Variants in SGK1 observed in about 807,000 individuals in gnomAD.
SGK1 encodes the protein serum/glucocorticoid regulated kinase 1.
SGK1 carries 26 observed loss-of-function variants against 64.2 expected under a neutral mutation model. That is an observed-to-expected ratio of 0.40 (90% CI 0.30 to 0.56). SGK1 has a LOEUF of 0.56. SGK1 is among the 20% of genes least tolerant of loss of function. SGK1 has a pLI of 0.38. For synonymous variants in SGK1, 265 were observed against 239.7 expected (o/e 1.11, Z -0.98); for missense variants, 519 against 645.6 (o/e 0.80, Z 2.12).
At chr6:134,213,276 C>G (rs967963768) in intron 2 of SGK1, among the ~76,000 whole-genome samples, 1 of 152,086 alleles carries the variant, frequency 6.6e-6, no homozygotes. Context: ...AATCCCAGCA[C>G]TTTGGGAGGT....
intron 2 of SGK1, among the ~76,000 whole-genome samples, chr6:134,248,484 C>T (rs1043401843): frequency 1.4e-5 from 2 of 144,802 alleles, no homozygotes; most frequent in East Asian, 4.0e-4. Context: ...TGGAGAGTCC[C>T]TCTGTCGCCC....
chr6:134,223,120 G>A (rs1044026550), intron 2 of SGK1, among the ~76,000 whole-genome samples: 2 of 152,178 alleles, frequency 1.3e-5, no homozygotes, highest in African/African-American at 4.8e-5. Context: ...TGTAATCCCA[G>A]CACTTTGGGA....
chr6:134,172,505 C>CAGCTGA, intron 9 of SGK1, 157 bp downstream of exon 9: 1 of 785,902 alleles, frequency 1.3e-6, no homozygotes, highest in Non-Finnish European at 2.0e-6. Flanking sequence ...GCTGGTTCCC[C>CAGCTGA]CTTGGCACTT....
At chr6:134,241,432 T>C (rs955528259) in intron 2 of SGK1, among the ~76,000 whole-genome samples, 1 of 151,852 alleles carries the variant, frequency 6.6e-6, no homozygotes, top group Non-Finnish European at 1.5e-5. Context: ...CAGGTGATCC[T>C]GCCACCTCGG....
chr6:134,175,000 C>A (rs994678067), intron 3 of SGK1: 1 of 1,157,552 alleles, frequency 8.6e-7, no homozygotes, highest in South Asian at 1.7e-5. Context: ...CTGGCGGCTA[C>A]GCTGCCTGCG....
chr6:134,259,288 A>T (rs1776728000), intron 2 of SGK1, among the ~76,000 whole-genome samples: 1 of 152,150 alleles, frequency 6.6e-6, no homozygotes, highest in Non-Finnish European at 1.5e-5. Flanking sequence ...TCTGTATAGG[A>T]TATGTAGAAC....
intron 3 of SGK1, among the ~76,000 whole-genome samples, chr6:134,196,216 C>T (rs888368016): frequency 1.3e-4 from 20 of 152,146 alleles, no homozygotes; most frequent in Non-Finnish European, 2.6e-4. Context: ...GAGGGTGAGG[C>T]GGGAGGATCA....
Position 134,207,395 on chromosome 6 carries a change from T to C in SGK1, c.322A>G (p.Lys108Glu). The change falls in exon 3 of 14, where the codon AAG (lysine) becomes GAG (glutamate). Residue 108 changes from lysine (K) to glutamate (E), a missense_variant. Physicochemically the swap from Lys to Glu is moderately conservative, Grantham distance 56. Coordinates refer to ENST00000367858, the MANE Select transcript of SGK1 (RefSeq NM_001143676.3). Reference protein sequence around the residue: ...EPCNHANILTKPDPRTFWTND... With the variant: ...EPCNHANILTEPDPRTFWTND... ...GTCCAGAAGGTTCTTGGATCGGGCT[T>C]GGTCAGGATGTTGGCATGATTACAT... 6.2e-7 allele frequency: 1 copy of C among 1,612,758 alleles called. No individual in the cohort carries two copies. Among genetic ancestry groups the C allele is most frequent in the Non-Finnish European group, 8.5e-7 (1 of 1,178,894 alleles).
At chr6:134,214,210 C>T (rs111675472) in intron 2 of SGK1, among the ~76,000 whole-genome samples, 2 of 152,098 alleles carry the variant, frequency 1.3e-5, no homozygotes, top group East Asian at 1.9e-4. Context: ...TTAGCCACCA[C>T]TCAAGGTTTA....
chr6:134,211,150 T>C (rs1009901692), intron 2 of SGK1, among the ~76,000 whole-genome samples: 3 of 151,730 alleles, frequency 2.0e-5, no homozygotes, highest in Non-Finnish European at 4.4e-5. Context: ...GTTAAAAGGA[T>C]AGATCTCATG....
rs772972933 is a variant in SGK1 at position 134,262,009 on chromosome 6, C to T, written c.209G>A (p.Gly70Asp). ...AACCCCTCTTTGGAAAGCATGTTCA[C>T]CCAGGCATGTTTGACACAAGGAAGA... is the stretch of plus-strand genomic sequence containing the variant. ...FESSLCQTCL[G>D]EHAFQRGVLP... The change falls in exon 2 of 14, where the codon GGT becomes GAT. Residue 70 changes from glycine to aspartate, a missense_variant. This residue lies in a region of SGK1 where 241 missense variants were observed against 236.9 expected (regional missense o/e 1.02). Transcript: ENST00000367858. 2 of 1,613,916 alleles carry T rather than the reference C, an allele frequency of 1.2e-6. No homozygotes were observed. The highest frequency in any genetic ancestry group is 2.2e-5 in the East Asian group (1 of 44,878).
chr6:134,262,465 G>C (rs1776781925), intron 1 of SGK1, among the ~76,000 whole-genome samples: 1 of 151,050 alleles, frequency 6.6e-6, no homozygotes, highest in African/African-American at 2.4e-5. Flanking sequence ...AGATAGGGGG[G>C]TTTCACTCTG....
At chr6:134,260,635 G>A (rs1417403675) in intron 2 of SGK1, 1 of 147,254 alleles carries the variant, frequency 6.8e-6, no homozygotes, top group Non-Finnish European at 1.5e-5. Context: ...TCGTGCCATT[G>A]CACTCCAGTC....
rs576249636 is a variant in SGK1, at chr6:134,248,376, G to A, written c.285+13557C>T. 6.8e-5 allele frequency among the ~76,000 whole-genome samples: 10 copies of A among 147,504 alleles called. No individual in the cohort carries two copies. The East Asian group carries it at 1.7e-3, about 25-fold the overall frequency. ...TTAACATTGATACAAGGTCAATAAT[G>A]TCATCTTCCCATACAGAGACAGATG... On this transcript the variant is annotated intron_variant, in intron 2 of 13. Coordinates refer to ENST00000367858, the MANE Select transcript of SGK1 (RefSeq NM_001143676.3).
At chr6:134,195,847 C>T (rs1775586654) in intron 3 of SGK1, among the ~76,000 whole-genome samples, 1 of 152,056 alleles carries the variant, frequency 6.6e-6, no homozygotes, top group African/African-American at 2.4e-5. Context: ...CTTCATGGTT[C>T]AGCAGAAAAA....
intron 3 of SGK1, among the ~76,000 whole-genome samples, chr6:134,190,467 G>T (rs1775492949): frequency 1.3e-5 from 2 of 151,954 alleles, no homozygotes; most frequent in Admixed American, 6.6e-5. Context: ...TGTATTTTTA[G>T]TAGAGACAGG....
chr6:134,232,648 C>T (rs925007598), intron 2 of SGK1, among the ~76,000 whole-genome samples: 10 of 151,788 alleles, frequency 6.6e-5, no homozygotes, highest in African/African-American at 2.4e-4. Flanking sequence ...TCCAGGAGTT[C>T]GAGACCAGCC....
chr6:134,292,698 A>T (rs1027518660), intron 1 of SGK1, among the ~76,000 whole-genome samples: 1 of 152,218 alleles, frequency 6.6e-6, no homozygotes, highest in African/African-American at 2.4e-5. Context: ...AAAAAGATGA[A>T]AAGGATCCAA....
intron 3 of SGK1, among the ~76,000 whole-genome samples, chr6:134,206,592 T>C (rs1338429033): frequency 2.0e-5 from 3 of 151,110 alleles, no homozygotes; most frequent in Non-Finnish European, 4.4e-5. Flanking sequence ...CAAGGCTAGG[T>C]ATGGTGGCTC....
Sources: allele counts gnomAD v4.1 joint callset (sites outside exome capture counted in the v4.1 genomes callset), GRCh38; gene constraint gnomAD v4.1.1; regional missense constraint gnomAD v4.1.1; transcripts MANE v1.5; gene names NCBI Gene and HGNC (gene_info 2026-07-23, HGNC 2026-07-21).